Variants in TRPM3 observed in about 807,000 individuals in gnomAD.
TRPM3 encodes the protein long transient receptor potential channel 3.
In TRPM3, 77 loss-of-function variants were observed where a neutral mutation model predicts 181.2. That is an observed-to-expected ratio of 0.42 (90% CI 0.35 to 0.51). The LOEUF (loss-of-function observed/expected upper bound fraction) is 0.51, where lower values mean the gene tolerates loss of function less well. Among genes scored for constraint, TRPM3 ranks in the 20% least tolerant of loss-of-function variants. TRPM3 has a pLI of 0.01. For synonymous variants in TRPM3, 745 were observed against 796.4 expected (o/e 0.94, Z 1.09); for missense variants, 1,759 against 2,196.7 (o/e 0.80, Z 3.98).
chr9:71,153,292 T>A (rs1180240546), intron 1 of TRPM3, among the ~76,000 whole-genome samples: 1 of 69,552 alleles, frequency 1.4e-5, no homozygotes, highest in Admixed American at 1.1e-4. Context: ...GCGCCATTAA[T>A]TTTTTTTTTT....
intron 8 of TRPM3, among the ~76,000 whole-genome samples, chr9:70,689,204 T>C (rs1010952539): frequency 6.6e-6 from 1 of 152,108 alleles, no homozygotes; most frequent in African/African-American, 2.4e-5. Flanking sequence ...GGATAGAAAG[T>C]GGGCTGCCTC....
At chr9:70,934,964 C>A (rs138019457) in intron 1 of TRPM3, among the ~76,000 whole-genome samples, 261 of 152,234 alleles carry the variant, frequency 1.7e-3, no homozygotes, top group African/African-American at 5.9e-3. Context: ...ATCTAGAGGG[C>A]CTTTTCCATA....
chr9:71,417,873 T>C (rs2093660802), intron 1 of TRPM3, among the ~76,000 whole-genome samples: 1 of 151,986 alleles, frequency 6.6e-6, no homozygotes, highest in Admixed American at 6.6e-5. Flanking sequence ...CTGTACTTGA[T>C]ATATCATTCT....
At chr9:71,270,424 AG>A (rs1253676487) in intron 1 of TRPM3, among the ~76,000 whole-genome samples, 1 of 152,186 alleles carries the variant, frequency 6.6e-6, no homozygotes, top group Non-Finnish European at 1.5e-5. Flanking sequence ...AACCCCTAAA[AG>A]GTCCATGTCA....
At chr9:70,629,341 T>G (rs1169986724) in intron 12 of TRPM3, among the ~76,000 whole-genome samples, 1 of 151,878 alleles carries the variant, frequency 6.6e-6, no homozygotes, top group Non-Finnish European at 1.5e-5. Context: ...TTTTGTTTTG[T>G]TTTTTTCTTT....
intron 1 of TRPM3, among the ~76,000 whole-genome samples, chr9:70,879,200 A>T (rs1416014717): frequency 6.6e-6 from 1 of 152,134 alleles, no homozygotes; most frequent in Non-Finnish European, 1.5e-5. Flanking sequence ...CAGAGAAGTA[A>T]ATACACATGC....
intron 1 of TRPM3, among the ~76,000 whole-genome samples, chr9:71,302,753 T>C (rs969991878): frequency 4.0e-5 from 6 of 149,056 alleles, no homozygotes; most frequent in Non-Finnish European, 5.9e-5. Context: ...ATTATTAATG[T>C]CAATTGCAGA....
intron 6 of TRPM3, among the ~76,000 whole-genome samples, chr9:70,803,594 GC>G (rs1027360400): frequency 6.6e-6 from 1 of 150,498 alleles, no homozygotes; most frequent in African/African-American, 2.4e-5. Flanking sequence ...GACCACAGGC[GC>G]CCGCCACTAC....
chr9:71,410,609 G>A (rs2093528506), intron 1 of TRPM3, among the ~76,000 whole-genome samples: 1 of 152,098 alleles, frequency 6.6e-6, no homozygotes, highest in Non-Finnish European at 1.5e-5. Flanking sequence ...AATTCAGACA[G>A]TAATTAATAG....
intron 8 of TRPM3, among the ~76,000 whole-genome samples, chr9:70,749,740 A>T (rs2075799579): frequency 6.6e-6 from 1 of 152,246 alleles, no homozygotes; most frequent in Admixed American, 6.5e-5. Flanking sequence ...AGAAGGCAAC[A>T]AATTGGTATA....
chr9:71,121,489 T>G lies in TRPM3; in HGVS notation c.-135A>C. 1 of 1,432,904 alleles carries G rather than the reference T, an allele frequency of 7.0e-7. No individual in the cohort carries two copies. The highest frequency in any genetic ancestry group is 9.1e-7 in the Non-Finnish European group (1 of 1,098,030). 88.8% of individuals were successfully genotyped at this position (1,432,904 alleles called of 1,614,324 possible). ...ACCTCCCCTCTCTCTGCAGCCGTGC[T>G]CATGCATACCAAATGTGGCTGAATG... is the stretch of plus-strand genomic sequence containing the variant. On this transcript the variant is annotated 5_prime_UTR_variant, in exon 1 of 26. Coordinates refer to ENST00000677713, the MANE Select transcript of TRPM3 (RefSeq NM_001366145.2).
intron 1 of TRPM3, among the ~76,000 whole-genome samples, chr9:71,079,390 A>G (rs1199322565): frequency 1.3e-5 from 2 of 152,176 alleles, no homozygotes; most frequent in Admixed American, 6.5e-5. Context: ...ACTTGTGCCA[A>G]TCTTTAAAGG....
intron 3 of TRPM3, among the ~76,000 whole-genome samples, chr9:70,851,217 C>T (rs192802994): frequency 2.0e-5 from 3 of 152,252 alleles, no homozygotes; most frequent in South Asian, 2.1e-4. Flanking sequence ...AATACAAGAA[C>T]CTTGTATATT....
intron 1 of TRPM3, among the ~76,000 whole-genome samples, chr9:71,279,040 A>AAAAAAAC (rs1296330963): frequency 4.1e-5 from 4 of 96,550 alleles, no homozygotes; most frequent in Admixed American, 8.9e-5. Context: ...TAGGTTAAAA[A>AAAAAAAC]AAATAAAAAT....
intron 1 of TRPM3, among the ~76,000 whole-genome samples, chr9:71,278,613 T>C (rs973218732): frequency 1.3e-5 from 2 of 152,190 alleles, no homozygotes; most frequent in East Asian, 3.9e-4. Context: ...ACAAACTCTC[T>C]AGATATGACA....
intron 1 of TRPM3, among the ~76,000 whole-genome samples, chr9:71,205,001 G>A (rs2079038498): frequency 1.3e-5 from 2 of 151,944 alleles, no homozygotes; most frequent in South Asian, 4.2e-4. Context: ...CTCATAGATG[G>A]GAATTGAACA....
chr9:71,405,468 A>G (rs1431548917), intron 1 of TRPM3, among the ~76,000 whole-genome samples: 3 of 152,198 alleles, frequency 2.0e-5, no homozygotes, highest in African/African-American at 7.2e-5. Flanking sequence ...TTATTCTCAT[A>G]TAAACAAAAT....
At chr9:71,399,139 T>A (rs1271545783) in intron 1 of TRPM3, among the ~76,000 whole-genome samples, 1 of 151,920 alleles carries the variant, frequency 6.6e-6, no homozygotes, top group African/African-American at 2.4e-5. Flanking sequence ...ATATAAAAAA[T>A]GACAACCTAA....
intron 4 of TRPM3, 88 bp from the exon 5 acceptor site, chr9:70,843,215 C>T (rs1265685101): frequency 1.8e-5 from 24 of 1,367,892 alleles, no homozygotes; most frequent in Middle Eastern, 1.9e-4. Flanking sequence ...TGGTTTCTCC[C>T]GAGGTTAAAT....
Sources: gnomAD v4.1 joint callset for allele counts (sites outside exome capture counted in the v4.1 genomes callset) on GRCh38, gnomAD v4.1.1 for gene constraint, MANE v1.5 for transcripts, NCBI Gene and HGNC (gene_info 2026-07-23, HGNC 2026-07-21) for gene names.